The following DLGAP1 variants were observed in gnomAD, a reference collection of about 807,000 sequenced individuals.
DLGAP1 encodes the protein disks large-associated protein 1.
In DLGAP1, 11 loss-of-function variants were observed where a neutral mutation model predicts 90.8. The ratio of observed to expected loss-of-function variants is 0.12; its 90% CI spans 0.08 to 0.20. The LOEUF (loss-of-function observed/expected upper bound fraction) is 0.20. DLGAP1 is among the 10% of genes least tolerant of loss of function. The pLI, the probability that DLGAP1 is intolerant of heterozygous loss-of-function variation, is 1.00. For synonymous variants in DLGAP1, 558 were observed against 540.7 expected, an observed-to-expected ratio of 1.03 and a Z score of -0.44; for missense variants, 1,050 against 1,333.8, an observed-to-expected ratio of 0.79 and a Z score of 3.31.
chr18:4,337,254 C>T (rs117133874), intron 1 of DLGAP1, among the ~76,000 whole-genome samples: 3,260 of 129,090 alleles, frequency 0.025, 48 homozygotes, highest in East Asian at 0.05. Flanking sequence ...AGTGCAGTGG[C>T]GCAATCTTGG....
chr18:3,940,446 C>T (rs1237610062), intron 3 of DLGAP1, among the ~76,000 whole-genome samples: 1 of 152,168 alleles, frequency 6.6e-6, no homozygotes, highest in African/African-American at 2.4e-5. Context: ...ATTAAATGGA[C>T]CCTATTTAAG....
chr18:4,126,001 T>C (rs1388087382), intron 2 of DLGAP1, among the ~76,000 whole-genome samples: 1 of 152,174 alleles, frequency 6.6e-6, no homozygotes, highest in Non-Finnish European at 1.5e-5. Context: ...GGCAGTTTTC[T>C]GACCTAGTTC....
rs1331809408 is a variant in DLGAP1, at chr18:3,499,158, G to A, written c.*27C>T. 3.9e-6 allele frequency: 6 copies of A among 1,523,150 alleles called. No individual in the cohort carries two copies. The South Asian group carries it at 7.3e-5, about 19-fold the overall frequency. 94.4% of individuals were successfully genotyped at this position (1,523,150 alleles called of 1,614,324 possible). A position where few individuals can be genotyped will look rare whatever the true frequency, so the allele number is the denominator to read the frequency against. ...CCGGGGGAGGAGGGGACAGATGCTT[G>A]GCGGCGGCGGCCGGGCTGCGGGGCG... On this transcript the variant is annotated 3_prime_UTR_variant, in exon 13 of 13. Transcript: ENST00000315677. This position sits in a 1 kb window ranked among gnomAD's most constrained non-coding sequence, Gnocchi z 6.4.
At position 3,880,085 on chromosome 18, in the gene DLGAP1, C is replaced by T; in HGVS notation, c.-17G>A. The T allele has an allele frequency of 1.3e-6, 2 of 1,596,030 alleles. No individual in the cohort carries two copies. Among genetic ancestry groups the T allele is most frequent in the Non-Finnish European group, 1.7e-6 (2 of 1,178,572 alleles). ...CCCTTTCATGGCGGACCGGAAGCAG[C>T]CGCCAGGGTCATGGACACCCGGAAG... On this transcript the variant is annotated 5_prime_UTR_variant, in exon 4 of 13. Coordinates refer to ENST00000315677, the MANE Select transcript of DLGAP1 (RefSeq NM_004746.4).
intron 3 of DLGAP1, among the ~76,000 whole-genome samples, chr18:3,915,294 C>A (rs930775049): frequency 6.6e-6 from 1 of 152,082 alleles, no homozygotes; most frequent in East Asian, 1.9e-4. Flanking sequence ...ATAAGCTCAG[C>A]TGTGACAATT....
At chr18:3,877,156 G>A (rs1280077643) in intron 4 of DLGAP1, among the ~76,000 whole-genome samples, 1 of 152,074 alleles carries the variant, frequency 6.6e-6, no homozygotes. Flanking sequence ...AAGATTAAAT[G>A]AAATAAGAAA....
intron 2 of DLGAP1, among the ~76,000 whole-genome samples, chr18:4,133,286 A>G (rs1047320527): frequency 1.3e-5 from 2 of 152,182 alleles, no homozygotes; most frequent in Admixed American, 6.5e-5. Flanking sequence ...ATGAGTGCCA[A>G]CGATTCACTG....
At chr18:4,311,389 T>C (rs2143457332) in intron 1 of DLGAP1, among the ~76,000 whole-genome samples, 1 of 152,350 alleles carries the variant, frequency 6.6e-6, no homozygotes, top group South Asian at 2.1e-4. Context: ...TTTATTTAGA[T>C]AATAAGCTCA....
intron 2 of DLGAP1, among the ~76,000 whole-genome samples, chr18:4,133,448 T>C (rs1167854987): frequency 2.6e-5 from 4 of 152,194 alleles, no homozygotes; most frequent in Non-Finnish European, 5.9e-5. Flanking sequence ...TGTTGGTCCA[T>C]TGGGTGAAAT....
intron 1 of DLGAP1, among the ~76,000 whole-genome samples, chr18:4,302,382 A>G (rs2143284635): frequency 6.6e-6 from 1 of 152,324 alleles, no homozygotes; most frequent in East Asian, 1.9e-4. Context: ...TTTTCCTGAC[A>G]TCATTTATTG....
intron 7 of DLGAP1, among the ~76,000 whole-genome samples, chr18:3,715,050 A>C (rs867274831): frequency 3.8e-4 from 58 of 152,376 alleles, no homozygotes; most frequent in Middle Eastern, 6.8e-3. Flanking sequence ...GGGAATTACC[A>C]GCCTTTGGTA....
intron 3 of DLGAP1, among the ~76,000 whole-genome samples, chr18:3,968,164 A>T (rs2073368926): frequency 1.3e-5 from 2 of 152,198 alleles, no homozygotes; most frequent in African/African-American, 4.8e-5. Flanking sequence ...CTGAGCATAA[A>T]TTTACTGGGA....
At chr18:3,983,551 G>C (rs2073781422) in intron 3 of DLGAP1, 1 of 152,152 alleles carries the variant, frequency 6.6e-6, no homozygotes, top group East Asian at 1.9e-4. Context: ...CGCTACTTGA[G>C]ACATCATTAG....
chr18:4,332,874 C>A lies in DLGAP1; in HGVS notation c.-267+122132G>T, dbSNP rs536561839. On this transcript the variant is annotated intron_variant, in intron 1 of 12. Coordinates refer to ENST00000315677, the MANE Select transcript of DLGAP1 (RefSeq NM_004746.4). ...TACCTATACATGTTATTTCTGCCTA[C>A]CTGTATTTACCCAAATTCTATTTAT... 3.3e-5 allele frequency among the ~76,000 whole-genome samples: 5 copies of A among 152,014 alleles called. No homozygotes were observed. In the South Asian group the frequency reaches 1.0e-3, roughly 31 times the overall value.
At chr18:4,000,407 CTCA>C (rs1481818792) in intron 3 of DLGAP1, among the ~76,000 whole-genome samples, 1 of 152,154 alleles carries the variant, frequency 6.6e-6, no homozygotes, top group African/African-American at 2.4e-5. Flanking sequence ...TATGCCCCTC[CTCA>C]TTTTTTGACA....
At chr18:4,195,628 A>G (rs960430342) in intron 1 of DLGAP1, among the ~76,000 whole-genome samples, 1 of 151,904 alleles carries the variant, frequency 6.6e-6, no homozygotes, top group Non-Finnish European at 1.5e-5. Context: ...CTCAGCTCAC[A>G]GCAACCTCTG....
rs80076408 is a variant in DLGAP1 at position 4,385,161 on chromosome 18, T to A, written c.-267+69845A>T. ...ACCCAGACTTACTGACACTAACAGCTACTCCCTTAATGTAGTCCTTAGATC... is the reference window on the plus strand; with the variant it reads ...ACCCAGACTTACTGACACTAACAGCAACTCCCTTAATGTAGTCCTTAGATC... On this transcript the variant is annotated intron_variant, in intron 1 of 12. Coordinates refer to ENST00000315677, the MANE Select transcript of DLGAP1 (RefSeq NM_004746.4). Among the ~76,000 whole-genome samples the A allele has an allele frequency of 5.8e-3, 891 of 152,316 alleles. 9 individuals are homozygous for A. Among genetic ancestry groups the A allele is most frequent in the African/African-American group, 0.021 (857 of 41,572 alleles).
chr18:4,299,382 ATTTT>A (rs1187185515), intron 1 of DLGAP1, among the ~76,000 whole-genome samples: 4 of 152,192 alleles, frequency 2.6e-5, no homozygotes, highest in Non-Finnish European at 5.9e-5. Flanking sequence ...CATGTGTTTG[ATTTT>A]TTTAATTCAA....
intron 5 of DLGAP1, among the ~76,000 whole-genome samples, chr18:3,762,001 TA>T (rs1412032812): frequency 6.6e-6 from 1 of 152,184 alleles, no homozygotes; most frequent in Non-Finnish European, 1.5e-5. Context: ...ACCAACACAA[TA>T]AAAACAAACC....
Sources: gnomAD v4.1 joint callset for allele counts (sites outside exome capture counted in the v4.1 genomes callset) on GRCh38, gnomAD v4.1.1 for gene constraint, Gnocchi (gnomAD v3.1) non-coding constraint, MANE v1.5 for transcripts, NCBI Gene and HGNC (gene_info 2026-07-23, HGNC 2026-07-21) for gene names.